Variants in MAML2 observed in about 807,000 individuals in gnomAD.
MAML2 encodes the protein mastermind-like protein 2.
A neutral mutation model predicts 96.1 loss-of-function variants in MAML2; 22 were observed. That is an observed-to-expected ratio of 0.23 (90% CI 0.16 to 0.33). The LOEUF is 0.33. MAML2 is among the 10% of genes least tolerant of loss of function. The pLI, the probability that MAML2 is intolerant of heterozygous loss-of-function variation, is 1.00. For missense variants in MAML2, 1,367 were observed against 1,392.4 expected, an observed-to-expected ratio of 0.98 and a Z score of 0.29; for synonymous variants, 561 against 521.3, an observed-to-expected ratio of 1.08 and a Z score of -1.04.
intron 1 of MAML2, among the ~76,000 whole-genome samples, chr11:96,097,009 T>A (rs1859840530): frequency 3.8e-5 from 2 of 53,242 alleles, no homozygotes; most frequent in African/African-American, 1.2e-4. Context: ...TCTAGTTATA[T>A]CACCGAGGCC....
chr11:96,305,079 A>C (rs1426923220), intron 1 of MAML2, among the ~76,000 whole-genome samples: 1 of 152,194 alleles, frequency 6.6e-6, no homozygotes, highest in East Asian at 1.9e-4. Context: ...CAAAAAATAT[A>C]TACACTTTAA....
chr11:96,032,689 T>A (rs759312469), intron 2 of MAML2, among the ~76,000 whole-genome samples: 1 of 151,948 alleles, frequency 6.6e-6, no homozygotes, highest in Non-Finnish European at 1.5e-5. Flanking sequence ...CATAGATTCA[T>A]ACAATGTGAT....
At chr11:95,981,786 T>C (rs1454991298) in intron 4 of MAML2, among the ~76,000 whole-genome samples, 1 of 152,212 alleles carries the variant, frequency 6.6e-6, no homozygotes, top group Non-Finnish European at 1.5e-5. Flanking sequence ...CATCTTTGTA[T>C]CTGAAAGTTT....
chr11:96,116,183 A>C (rs1860237582), intron 1 of MAML2, among the ~76,000 whole-genome samples: 1 of 152,184 alleles, frequency 6.6e-6, no homozygotes. Context: ...TTATACCGCT[A>C]TAAGTGTGAA....
intron 1 of MAML2, among the ~76,000 whole-genome samples, chr11:96,110,331 A>C (rs1227226695): frequency 6.6e-6 from 1 of 152,222 alleles, no homozygotes; most frequent in East Asian, 1.9e-4. Context: ...TTGGTACAAT[A>C]CTTGGTATTT....
chr11:96,139,951 A>G (rs1344621302), intron 1 of MAML2, among the ~76,000 whole-genome samples: 1 of 152,258 alleles, frequency 6.6e-6, no homozygotes, highest in African/African-American at 2.4e-5. Context: ...ATCTTTAAAA[A>G]AATCTATTGA....
At chr11:96,114,439 C>G (rs1022525563) in intron 1 of MAML2, among the ~76,000 whole-genome samples, 2 of 152,190 alleles carry the variant, frequency 1.3e-5, no homozygotes, top group Non-Finnish European at 1.5e-5. Context: ...CACTCAGAAC[C>G]TCAGTTTGAA....
At position 96,115,596 on chromosome 11, in the gene MAML2, C is replaced by T. The variant is rs144979555; in HGVS notation, c.514-22079G>A. On this transcript the variant is annotated intron_variant, in intron 1 of 4. Coordinates refer to ENST00000524717, the MANE Select transcript of MAML2 (RefSeq NM_032427.4). ...GCAGGGTCTGATCAGTATAAGCATT[C>T]GACAAATATTGAATACCTCTGTGCT... Among the ~76,000 whole-genome samples the T allele has an allele frequency of 4.3e-4, 65 of 152,052 alleles. No homozygotes were observed. The East Asian group carries it at 7.9e-3, about 19-fold the overall frequency.
At chr11:96,164,985 C>A (rs1415434864) in intron 1 of MAML2, among the ~76,000 whole-genome samples, 1 of 152,054 alleles carries the variant, frequency 6.6e-6, no homozygotes, top group Non-Finnish European at 1.5e-5. Context: ...TAATAGACAA[C>A]AATTATAGAA....
At chr11:96,039,076 C>T (rs1858763486) in intron 2 of MAML2, among the ~76,000 whole-genome samples, 1 of 152,072 alleles carries the variant, frequency 6.6e-6, no homozygotes, top group African/African-American at 2.4e-5. Context: ...CATAGTGAGA[C>T]CCTGTCTACA....
chr11:96,127,408 A>G (rs536308988), intron 1 of MAML2, among the ~76,000 whole-genome samples: 37 of 152,330 alleles, frequency 2.4e-4, no homozygotes, highest in Middle Eastern at 3.4e-3. Flanking sequence ...GAGAGTTGCC[A>G]TAGTTACCTG....
intron 2 of MAML2, among the ~76,000 whole-genome samples, chr11:96,088,183 T>C (rs1859649236): frequency 6.6e-6 from 1 of 152,180 alleles, no homozygotes; most frequent in African/African-American, 2.4e-5. Flanking sequence ...TAATATATGA[T>C]TGAGGAACTT....
intron 2 of MAML2, among the ~76,000 whole-genome samples, chr11:96,063,237 C>A (rs968027962): frequency 3.3e-5 from 5 of 152,038 alleles, no homozygotes; most frequent in African/African-American, 1.2e-4. Flanking sequence ...TCTGTAGGGG[C>A]CCCTTCCTTA....
chr11:96,308,529 C>G (rs2136002762), intron 1 of MAML2, among the ~76,000 whole-genome samples: 1 of 152,272 alleles, frequency 6.6e-6, no homozygotes, highest in Admixed American at 6.5e-5. Context: ...TTCCCATACC[C>G]AAAATCTAAT....
intron 1 of MAML2, among the ~76,000 whole-genome samples, chr11:96,287,413 G>A (rs1411383583): frequency 6.6e-6 from 1 of 152,168 alleles, no homozygotes; most frequent in African/African-American, 2.4e-5. Flanking sequence ...ATCCTTGCAT[G>A]GTATAACTTT....
chr11:96,105,542 T>G (rs1391244071), intron 1 of MAML2, among the ~76,000 whole-genome samples: 1 of 152,216 alleles, frequency 6.6e-6, no homozygotes, highest in Non-Finnish European at 1.5e-5. Context: ...TTAAGCAGCA[T>G]TTAGAAGGTA....
intron 1 of MAML2, among the ~76,000 whole-genome samples, chr11:96,268,253 T>C (rs1030466188): frequency 1.3e-5 from 2 of 151,748 alleles, no homozygotes; most frequent in African/African-American, 4.8e-5. Context: ...GGAGGGAGAG[T>C]CACTTGAGTC....
intron 1 of MAML2, among the ~76,000 whole-genome samples, chr11:96,134,564 A>G (rs1386567869): frequency 6.6e-6 from 1 of 152,250 alleles, no homozygotes; most frequent in Non-Finnish European, 1.5e-5. Flanking sequence ...TGAAATAAAA[A>G]GAGTCAAAGA....
At chr11:96,068,710 G>T (rs1859287633) in intron 2 of MAML2, among the ~76,000 whole-genome samples, 1 of 151,686 alleles carries the variant, frequency 6.6e-6, no homozygotes, top group African/African-American at 2.4e-5. Context: ...GGCACCTGTA[G>T]TCCCAGCTAC....
Sources: allele counts gnomAD v4.1 joint callset (sites outside exome capture counted in the v4.1 genomes callset), GRCh38; gene constraint gnomAD v4.1.1; transcripts MANE v1.5; gene names NCBI Gene and HGNC (gene_info 2026-07-23, HGNC 2026-07-21).